Variants in GSK3B observed in about 807,000 individuals in gnomAD.
The protein encoded by GSK3B is glycogen synthase kinase-3 beta.
GSK3B carries 15 observed loss-of-function variants against 56.4 expected under a neutral mutation model. The observed-to-expected ratio is 0.27, with a 90% confidence interval of 0.18 to 0.41. The LOEUF (loss-of-function observed/expected upper bound fraction) is 0.41, where lower values mean the gene tolerates loss of function less well. Among genes scored for constraint, GSK3B ranks in the 10% least tolerant of loss-of-function variants. The pLI is 1.00. For synonymous variants in GSK3B, 181 were observed against 188.9 expected, an observed-to-expected ratio of 0.96 and a Z score of 0.34; for missense variants, 300 against 513.4, an observed-to-expected ratio of 0.58 and a Z score of 4.02.
chr3:120,020,596 TTCC>T (rs1200609832), intron 1 of GSK3B, among the ~76,000 whole-genome samples: 1 of 152,162 alleles, frequency 6.6e-6, no homozygotes, highest in African/African-American at 2.4e-5. Flanking sequence ...AATCAGTTGT[TTCC>T]TCATCTCCCT....
At chr3:120,060,195 T>C (rs1281143443) in intron 1 of GSK3B, among the ~76,000 whole-genome samples, 2 of 151,910 alleles carry the variant, frequency 1.3e-5, no homozygotes, top group Admixed American at 6.6e-5. Flanking sequence ...CATTACAAGG[T>C]GATAAGTGTT....
chr3:120,072,400 T>C (rs1317199536), intron 1 of GSK3B, among the ~76,000 whole-genome samples: 1 of 152,022 alleles, frequency 6.6e-6, no homozygotes, highest in Non-Finnish European at 1.5e-5. Context: ...TAGTTCGCCA[T>C]GGTAGAGAAC....
chr3:119,862,674 T>G (rs558476138), intron 9 of GSK3B, among the ~76,000 whole-genome samples: 11 of 147,810 alleles, frequency 7.4e-5, no homozygotes, highest in East Asian at 5.8e-4. Flanking sequence ...CTTGTTTTTT[T>G]TTTTTTTTTT....
chr3:119,958,937 GGCATCA>G lies in GSK3B; in HGVS notation c.283-11592_283-11587del, dbSNP rs1027838172. Among the ~76,000 whole-genome samples the G allele has an allele frequency of 4.2e-3, 646 of 152,060 alleles. 1 individual carries two copies. Among genetic ancestry groups the G allele is most frequent in the African/African-American group, 0.015 (610 of 41,486 alleles). Reference sequence around the variant, plus strand: ...TTACTCAGGAGAAACTAGAAACGGGGGCATCAGCCTATATATCCCCTGGAATACAAC... The same window carrying G: ...TTACTCAGGAGAAACTAGAAACGGGGGCCTATATATCCCCTGGAATACAAC... On this transcript the variant is annotated intron_variant, in intron 2 of 10. Coordinates refer to ENST00000264235, the MANE Select transcript of GSK3B (RefSeq NM_001146156.2).
At chr3:119,864,686 G>T (rs889126856) in intron 8 of GSK3B, among the ~76,000 whole-genome samples, 1 of 152,240 alleles carries the variant, frequency 6.6e-6, no homozygotes, top group African/African-American at 2.4e-5. Flanking sequence ...TTCCTCGTAA[G>T]AATGGCTCAT....
At chr3:119,932,974 T>G (rs1270391095) in intron 3 of GSK3B, among the ~76,000 whole-genome samples, 2 of 152,156 alleles carry the variant, frequency 1.3e-5, no homozygotes, top group Non-Finnish European at 2.9e-5. Context: ...GGCAGACACC[T>G]GTAATCTTAG....
At chr3:119,905,937 G>T in intron 6 of GSK3B, 85 bp from the exon 7 acceptor site, 1 of 788,564 alleles carries the variant, frequency 1.3e-6, no homozygotes, top group South Asian at 1.5e-5. Flanking sequence ...ATTTTACTTT[G>T]ATCACAGAGT....
chr3:120,039,288 T>C (rs968185923), intron 1 of GSK3B, among the ~76,000 whole-genome samples: 9 of 152,190 alleles, frequency 5.9e-5, no homozygotes, highest in Middle Eastern at 3.2e-3. Context: ...CATCAGCAGT[T>C]TCCTGCAAAG....
At chr3:119,933,383 C>T (rs1337655233) in intron 3 of GSK3B, among the ~76,000 whole-genome samples, 2 of 152,058 alleles carry the variant, frequency 1.3e-5, no homozygotes, top group Non-Finnish European at 2.9e-5. Context: ...GACATAGAGC[C>T]CCCCCAAATA....
intron 7 of GSK3B, among the ~76,000 whole-genome samples, chr3:119,902,868 C>A (rs979806358): frequency 6.6e-6 from 1 of 152,156 alleles, no homozygotes; most frequent in East Asian, 1.9e-4. Flanking sequence ...GCATGTGCCA[C>A]TATGCCTGGC....
chr3:119,895,881 C>T (rs1576181948), intron 7 of GSK3B, among the ~76,000 whole-genome samples: 1 of 151,904 alleles, frequency 6.6e-6, no homozygotes, highest in African/African-American at 2.4e-5. Flanking sequence ...CCCAGCACTT[C>T]GGGAGGCCAA....
intron 2 of GSK3B, among the ~76,000 whole-genome samples, chr3:119,964,149 A>G (rs947683751): frequency 6.6e-6 from 1 of 152,236 alleles, no homozygotes; most frequent in African/African-American, 2.4e-5. Flanking sequence ...AAACTCCTAT[A>G]ACTCAACAGC....
intron 1 of GSK3B, among the ~76,000 whole-genome samples, chr3:120,011,622 C>T (rs1300291921): frequency 6.6e-6 from 1 of 152,114 alleles, no homozygotes; most frequent in East Asian, 1.9e-4. Context: ...TACTTACTAC[C>T]TTAGCAGTAA....
intron 7 of GSK3B, among the ~76,000 whole-genome samples, chr3:119,893,873 T>TAA (rs200995417): frequency 3.6e-5 from 5 of 137,788 alleles, no homozygotes; most frequent in South Asian, 2.3e-4. Context: ...ACTTTTGCCT[T>TAA]AAAAAAAAAA....
At chr3:119,948,510 CAG>C (rs759557189) in intron 2 of GSK3B, among the ~76,000 whole-genome samples, 3 of 152,078 alleles carry the variant, frequency 2.0e-5, no homozygotes, top group African/African-American at 7.2e-5. Context: ...GTAACGGAAA[CAG>C]AAAGTCCGAA....
chr3:120,050,264 A>C (rs1221363629), intron 1 of GSK3B, among the ~76,000 whole-genome samples: 1 of 152,196 alleles, frequency 6.6e-6, no homozygotes, highest in East Asian at 1.9e-4. Context: ...CATGAAACAA[A>C]ACATCTCCCA....
chr3:119,892,081 C>T (rs532075066), intron 7 of GSK3B, among the ~76,000 whole-genome samples: 8 of 152,276 alleles, frequency 5.3e-5, no homozygotes, highest in Admixed American at 3.3e-4. Flanking sequence ...CTCTGAAACG[C>T]TAGTATTTCT....
At chr3:120,026,028 A>C (rs995483571) in intron 1 of GSK3B, among the ~76,000 whole-genome samples, 1 of 152,230 alleles carries the variant, frequency 6.6e-6, no homozygotes, top group African/African-American at 2.4e-5. Context: ...ACTGGGTTTT[A>C]TAGCTTACTT....
chr3:119,969,172 A>G (rs2057344315), intron 2 of GSK3B, among the ~76,000 whole-genome samples: 1 of 151,896 alleles, frequency 6.6e-6, no homozygotes, highest in Non-Finnish European at 1.5e-5. Flanking sequence ...CACGCCTGTA[A>G]TCCCAGCTAC....
Sources: allele counts gnomAD v4.1 joint callset (sites outside exome capture counted in the v4.1 genomes callset), GRCh38; gene constraint gnomAD v4.1.1; transcripts MANE v1.5; gene names NCBI Gene and HGNC (gene_info 2026-07-23, HGNC 2026-07-21).